Variants in ZNF131 observed in about 807,000 individuals in gnomAD.
ZNF131 encodes the protein zinc finger and BTB domain containing 35.
A neutral mutation model predicts 60.0 loss-of-function variants in ZNF131; 7 were observed. The ratio of observed to expected loss-of-function variants is 0.12; its 90% CI spans 0.07 to 0.22. ZNF131 has a LOEUF of 0.22. ZNF131 is among the 10% of genes least tolerant of loss of function. The pLI, the probability that ZNF131 is intolerant of heterozygous loss-of-function variation, is 1.00. For missense variants in ZNF131, 493 were observed against 740.9 expected, an observed-to-expected ratio of 0.67 and a Z score of 3.88; for synonymous variants, 257 against 253.2, an observed-to-expected ratio of 1.01 and a Z score of -0.14.
At chr5:43,170,169 TA>T (rs34724184) in intron 5 of ZNF131, among the ~76,000 whole-genome samples, 14,772 of 152,276 alleles carry the variant, frequency 0.097, 850 homozygotes, top group East Asian at 0.19. Context: ...ATAAAACCAC[TA>T]AACCATTTAG....
chr5:43,172,701 C>T (rs1751151749), intron 5 of ZNF131, among the ~76,000 whole-genome samples: 1 of 151,916 alleles, frequency 6.6e-6, no homozygotes, highest in South Asian at 2.1e-4. Context: ...TACTGGACAT[C>T]TCCACCTGTT....
chr5:43,159,552 G>A (rs138804316), intron 4 of ZNF131, among the ~76,000 whole-genome samples: 4,531 of 152,028 alleles, frequency 0.03, 93 homozygotes, highest in Middle Eastern at 0.095. Context: ...AAAATTAGGC[G>A]GGCATGGTGG....
In ZNF131 at chr5:43,161,858, T is replaced by C; in HGVS notation, c.981T>C (p.Ile327=). ...VSKKQRTGKK[I]HVCQYCEKQF... is the part of the protein sequence containing the mutation. Reference sequence around the variant, plus strand: ...AGAAGCAAAGAACTGGGAAAAAAATTCATGTATGTCAGTACTGTGAGAAAC... The same window carrying C: ...AGAAGCAAAGAACTGGGAAAAAAATCCATGTATGTCAGTACTGTGAGAAAC... Residue 327 remains isoleucine, a synonymous_variant, in exon 5 of 7, where the codon ATT becomes ATC. Transcript: ENST00000682664. 1 of 1,614,094 alleles carries C rather than the reference T, an allele frequency of 6.2e-7. No homozygotes were observed. Among genetic ancestry groups the C allele is most frequent in the East Asian group, 2.2e-5 (1 of 44,878 alleles).
In ZNF131 at chr5:43,174,602, G is replaced by C. The variant is rs764925386; in HGVS notation, c.1341G>C (p.Glu447Asp). The C allele has an allele frequency of 1.7e-5, 28 of 1,613,784 alleles. No individual in the cohort carries two copies. The South Asian group carries it at 3.1e-4, about 18-fold the overall frequency. ...RHLSDAHNIS[E>D]RLVTEEVLSV... ...TCAGTGATGCTCACAATATTTCAGA[G>C]CGTCTAGTAACGGAAGAAGTTCTTT... The change falls in exon 7 of 7, where the codon GAG becomes GAC. Residue 447 changes from glutamate to aspartate, a missense_variant. Coordinates refer to ENST00000682664, the MANE Select transcript of ZNF131 (RefSeq NM_001330707.2).
intron 3 of ZNF131, 60 bp from the exon 4 acceptor site, chr5:43,139,105 T>TAA (rs1746490717): frequency 2.2e-6 from 3 of 1,345,072 alleles, no homozygotes; most frequent in Non-Finnish European, 2.9e-6. Context: ...CTTTCTTTAC[T>TAA]AAACATTGTA....
chr5:43,157,166 CA>C lies in ZNF131; in HGVS notation c.372-4075del, dbSNP rs567655988. Among the ~76,000 whole-genome samples the C allele has an allele frequency of 2.6e-3, 396 of 151,818 alleles. 6 individuals carry two copies. Among genetic ancestry groups the C allele is most frequent in the African/African-American group, 9.2e-3 (379 of 41,386 alleles). ...CCCTTATAGAAGCCAAGACTGACTG[CA>C]AAAAAAACTTGGAAACCTTTTACTG... On this transcript the variant is annotated intron_variant, in intron 4 of 6. Transcript: ENST00000682664.
intron 3 of ZNF131, among the ~76,000 whole-genome samples, chr5:43,134,716 G>C (rs1192054473): frequency 1.8e-4 from 2 of 11,306 alleles, no homozygotes; most frequent in South Asian, 2.7e-3. Context: ...TTTTTTTTTT[G>C]GGAGACAGAG....
intron 5 of ZNF131, among the ~76,000 whole-genome samples, chr5:43,170,977 C>T (rs1750918926): frequency 6.6e-6 from 1 of 151,074 alleles, no homozygotes; most frequent in African/African-American, 2.4e-5. Flanking sequence ...CAGAGTCTCG[C>T]TCTGTCGCCC....
chr5:43,141,070 T>C (rs1561407094), intron 4 of ZNF131, among the ~76,000 whole-genome samples: 1 of 152,172 alleles, frequency 6.6e-6, no homozygotes, highest in East Asian at 1.9e-4. Context: ...CTAAGAATAC[T>C]GAACTGTACT....
chr5:43,128,152 A>C (rs1347291033), intron 3 of ZNF131, among the ~76,000 whole-genome samples: 1 of 152,228 alleles, frequency 6.6e-6, no homozygotes, highest in Non-Finnish European at 1.5e-5. Flanking sequence ...ATACTCTCTT[A>C]GAAAAGTTGT....
chr5:43,170,313 A>G (rs1328668550), intron 5 of ZNF131, among the ~76,000 whole-genome samples: 2 of 152,346 alleles, frequency 1.3e-5, no homozygotes, highest in Non-Finnish European at 2.9e-5. Flanking sequence ...ATGTTTTGTC[A>G]GATAATACAT....
Position 43,166,611 on chromosome 5 carries a change from C to T in ZNF131, c.1054+4680C>T, listed in dbSNP as rs184791108. Among the ~76,000 whole-genome samples the T allele has an allele frequency of 6.2e-3, 948 of 152,072 alleles. 8 individuals carry two copies. Among genetic ancestry groups the T allele is most frequent in the Non-Finnish European group, 6.5e-3 (445 of 67,990 alleles). ...TCTTGACCTCGTGATCCACCCCCCTCGGCCTCCCAAAGTGCTGGATTACAG... is the reference window on the plus strand; with the variant it reads ...TCTTGACCTCGTGATCCACCCCCCTTGGCCTCCCAAAGTGCTGGATTACAG... On this transcript the variant is annotated intron_variant, in intron 5 of 6. Transcript: ENST00000682664.
rs1751557946 is a variant in ZNF131 at position 43,176,243 on chromosome 5, C to T, written c.*1110C>T. ...ACTTGGAAAATAAAATATAACAAAC[C>T]CATAGACCAATATGCTATTTTTTTT... On this transcript the variant is annotated 3_prime_UTR_variant, in exon 7 of 7. Coordinates refer to ENST00000682664, the MANE Select transcript of ZNF131 (RefSeq NM_001330707.2). The T allele has an allele frequency of 6.6e-6, 1 of 151,914 alleles. No homozygotes were observed. The highest frequency in any genetic ancestry group is 2.1e-4 in the South Asian group (1 of 4,818). The allele number at this position is 151,914 out of a possible 1,614,324, so 9.4% of individuals were successfully genotyped here. A position where few individuals can be genotyped will look rare whatever the true frequency, so the allele number is the denominator to read the frequency against.
chr5:43,163,297 G>A (rs1201564517), intron 5 of ZNF131, among the ~76,000 whole-genome samples: 1 of 152,082 alleles, frequency 6.6e-6, no homozygotes. Context: ...ACTTTTTAAT[G>A]TACATTGAGT....
chr5:43,152,354 A>G (rs111586338), intron 4 of ZNF131, among the ~76,000 whole-genome samples: 4 of 152,114 alleles, frequency 2.6e-5, no homozygotes, highest in South Asian at 2.1e-4. Flanking sequence ...CTTGAGTAGT[A>G]ACTGTCCACC....
intron 4 of ZNF131, among the ~76,000 whole-genome samples, chr5:43,141,929 T>A (rs902199214): frequency 6.6e-6 from 1 of 152,222 alleles, no homozygotes; most frequent in Non-Finnish European, 1.5e-5. Flanking sequence ...ATATGTTGGC[T>A]GTTTATAATA....
Position 43,175,148 on chromosome 5 carries a change from A to G in ZNF131, c.*15A>G, listed in dbSNP as rs542907736. On this transcript the variant is annotated 3_prime_UTR_variant, in exon 7 of 7. Coordinates refer to ENST00000682664, the MANE Select transcript of ZNF131 (RefSeq NM_001330707.2). ...TTTTAGAATGAAATTACACATGAAT[A>G]TATTTTTAAATTTACTTGTTGGGTT... is the stretch of plus-strand genomic sequence containing the variant. The G allele has an allele frequency of 1.4e-5, 22 of 1,581,340 alleles. No individual in the cohort carries two copies. The African/African-American group carries it at 2.9e-4, about 21-fold the overall frequency.
In ZNF131 at chr5:43,168,910, T is replaced by C. The variant is rs560733314; in HGVS notation, c.1055-4408T>C. ...CTTTCTGATGTAGATGGCTGTTTGA[T>C]TGGAGGCTAATTAACTTAGAAAAAA... On this transcript the variant is annotated intron_variant, in intron 5 of 6. Transcript: ENST00000682664. Among the ~76,000 whole-genome samples the C allele has an allele frequency of 2.7e-4, 41 of 152,216 alleles. 1 individual carries two copies. In the East Asian group the frequency reaches 4.8e-3, roughly 18 times the overall value.
chr5:43,121,662 G>C (rs1021385862), intron 1 of ZNF131: 10 of 157,236 alleles, frequency 6.4e-5, no homozygotes, highest in Admixed American at 5.8e-4. Flanking sequence ...GCCGGACCGG[G>C]TCCCGGGGCG....
Sources: allele counts gnomAD v4.1 joint callset (sites outside exome capture counted in the v4.1 genomes callset), GRCh38; gene constraint gnomAD v4.1.1; transcripts MANE v1.5; gene names NCBI Gene and HGNC (gene_info 2026-07-23, HGNC 2026-07-21).